ATL1: variants seen among roughly 807,000 people sequenced by gnomAD.
ATL1 encodes atlastin-1.
Under a neutral mutation model 75.5 loss-of-function variants are expected in ATL1, and 31 were observed. The ratio of observed to expected loss-of-function variants is 0.41; its 90% CI spans 0.31 to 0.55. ATL1 has a LOEUF of 0.55. Ranked by LOEUF, ATL1 falls within the 20% of genes least tolerant of loss-of-function variation. The probability of loss-of-function intolerance (pLI) is 0.27; values close to 1 mark genes in which losing one functional copy is unlikely to be tolerated. For synonymous variants in ATL1, 226 were observed against 233.3 expected (o/e 0.97, Z 0.28); for missense variants, 405 against 662.6 (o/e 0.61, Z 4.27).
intron 1 of ATL1, among the ~76,000 whole-genome samples, chr14:50,562,410 T>C (rs2140176878): frequency 6.6e-6 from 1 of 152,268 alleles, no homozygotes; most frequent in East Asian, 1.9e-4. Context: ...CCGGTTTTCA[T>C]AAAAATCACA....
At chr14:50,600,338 GA>G (rs1166604313) in intron 6 of ATL1, among the ~76,000 whole-genome samples, 1 of 151,398 alleles carries the variant, frequency 6.6e-6, no homozygotes, top group Non-Finnish European at 1.5e-5. Context: ...TTGACATTAT[GA>G]AATGTCAGTG....
chr14:50,556,033 G>C (rs1321167066), upstream of ATL1, among the ~76,000 whole-genome samples: 1 of 152,140 alleles, frequency 6.6e-6, no homozygotes, highest in African/African-American at 2.4e-5. Context: ...ATAGTTTGTG[G>C]AGTAACATCC....
chr14:50,548,503 G>A (rs1341550943), intron 1 of ATL1, among the ~76,000 whole-genome samples: 1 of 152,068 alleles, frequency 6.6e-6, no homozygotes, highest in Non-Finnish European at 1.5e-5. Flanking sequence ...GTAGGGTTTT[G>A]GTCTCAATTA....
At chr14:50,607,978 T>A (rs544059199) in intron 6 of ATL1, among the ~76,000 whole-genome samples, 6 of 152,210 alleles carry the variant, frequency 3.9e-5, no homozygotes, top group African/African-American at 1.4e-4. Flanking sequence ...TTTGAATAAT[T>A]TCCTGAAAGA....
At chr14:50,558,634 A>G (rs1328165810), upstream of ATL1, among the ~76,000 whole-genome samples, 2 of 152,206 alleles carry the variant, frequency 1.3e-5, no homozygotes, top group Non-Finnish European at 2.9e-5. Flanking sequence ...TAGGTGTTGA[A>G]TTATATAAAT....
At chr14:50,599,993 T>TC (rs2039256998) in intron 6 of ATL1, among the ~76,000 whole-genome samples, 1 of 151,992 alleles carries the variant, frequency 6.6e-6, no homozygotes, top group African/African-American at 2.4e-5. Flanking sequence ...CTTTTTTTTT[T>TC]TTTATCATTT....
chr14:50,625,778 C>G (rs533448840), intron 11 of ATL1, among the ~76,000 whole-genome samples: 1 of 151,910 alleles, frequency 6.6e-6, no homozygotes, highest in Non-Finnish European at 1.5e-5. Context: ...GGCGCAGAGG[C>G]GGGCACCTGT....
In ATL1 at chr14:50,560,292, C is replaced by T; in HGVS notation, c.27C>T (p.Asn9=). ...TGGCCAAGAACCGCAGGGACAGAAA[C>T]AGTTGGGGTGAGTAGCAAATGAGAA... MAKNRRDR[N]SWGGFSEKTY... is the part of the protein sequence containing the mutation. Residue 9 remains asparagine, a synonymous_variant, in exon 1 of 14, where the codon AAC becomes AAT. Coordinates refer to ENST00000358385, the MANE Select transcript of ATL1 (RefSeq NM_015915.5). The T allele has an allele frequency of 6.2e-7, 1 of 1,614,012 alleles. No individual in the cohort carries two copies. The highest frequency in any genetic ancestry group is 8.5e-7 in the Non-Finnish European group (1 of 1,179,888).
chr14:50,554,663 C>T (rs1217838744), intron 1 of ATL1, among the ~76,000 whole-genome samples: 1 of 152,200 alleles, frequency 6.6e-6, no homozygotes, highest in African/African-American at 2.4e-5. Context: ...GGAAAACAAT[C>T]TCATTGCTCA....
At chr14:50,609,479 G>A (rs1195008469) in intron 6 of ATL1, among the ~76,000 whole-genome samples, 2 of 151,874 alleles carry the variant, frequency 1.3e-5, no homozygotes, top group African/African-American at 4.8e-5. Context: ...TTAGAGCATT[G>A]AAAAAATGAG....
chr14:50,564,877 G>C lies in ATL1; in HGVS notation c.34+4578G>C, dbSNP rs2038887991. ...CTTGAGTGTACTATAGTTACCTCAT[G>C]ATCTTCTTTCTTTTCCAGTTGGCTA... On this transcript the variant is annotated intron_variant, in intron 1 of 13. Coordinates refer to ENST00000358385, the MANE Select transcript of ATL1 (RefSeq NM_015915.5). 2.0e-5 allele frequency among the ~76,000 whole-genome samples: 3 copies of C among 152,026 alleles called. No individual in the cohort carries two copies. In the South Asian group the frequency reaches 6.2e-4, roughly 32 times the overall value.
chr14:50,602,899 A>T (rs1374305462), intron 6 of ATL1, among the ~76,000 whole-genome samples: 1 of 152,106 alleles, frequency 6.6e-6, no homozygotes, highest in African/African-American at 2.4e-5. Flanking sequence ...AGTTCTGCTG[A>T]ATTGGAATCC....
At chr14:50,572,468 A>G (rs577311857) in intron 1 of ATL1, among the ~76,000 whole-genome samples, 5 of 152,256 alleles carry the variant, frequency 3.3e-5, no homozygotes, top group Admixed American at 2.0e-4. Context: ...TATCCATTTC[A>G]TCAAGCTGGC....
chr14:50,535,412 A>G (rs1425429518), intron 1 of ATL1, among the ~76,000 whole-genome samples: 1 of 152,260 alleles, frequency 6.6e-6, no homozygotes. Context: ...GAACATACAG[A>G]TTTAAGCAAT....
intron 6 of ATL1, among the ~76,000 whole-genome samples, chr14:50,598,322 C>A (rs901551319): frequency 6.6e-6 from 1 of 151,768 alleles, no homozygotes; most frequent in Non-Finnish European, 1.5e-5. Context: ...AGAATTAAGT[C>A]TTGTTTTGAT....
chr14:50,593,443 G>A (rs1305897578), intron 4 of ATL1, among the ~76,000 whole-genome samples: 3 of 152,032 alleles, frequency 2.0e-5, no homozygotes, highest in Non-Finnish European at 4.4e-5. Flanking sequence ...ACTCTGTATA[G>A]ACATAAATAA....
intron 1 of ATL1, among the ~76,000 whole-genome samples, chr14:50,584,304 G>A (rs1348415455): frequency 6.6e-6 from 1 of 152,214 alleles, no homozygotes; most frequent in African/African-American, 2.4e-5. Flanking sequence ...ATTGAGCTCA[G>A]GAAGCAGAGG....
chr14:50,604,116 CCTT>C (rs1276127839), intron 6 of ATL1, among the ~76,000 whole-genome samples: 2 of 152,164 alleles, frequency 1.3e-5, no homozygotes, highest in African/African-American at 2.4e-5. Context: ...TGTTACCGCT[CCTT>C]CTTTATTCTC....
chr14:50,605,276 CCTATCTATAGGTTCCTGATTCAT>C (rs2140219167), intron 6 of ATL1, among the ~76,000 whole-genome samples: 1 of 151,498 alleles, frequency 6.6e-6, no homozygotes, highest in South Asian at 2.1e-4. Context: ...CATAGACTTC[CCTATCTATAGGTTCCTGATTCAT>C]AGAGAACAGA....
Sources: allele counts gnomAD v4.1 joint callset (sites outside exome capture counted in the v4.1 genomes callset), GRCh38; gene constraint gnomAD v4.1.1; transcripts MANE v1.5; gene names NCBI Gene and HGNC (gene_info 2026-07-23, HGNC 2026-07-21).